The following LRMDA variants were observed in gnomAD, a reference collection of about 807,000 sequenced individuals.
LRMDA encodes leucine-rich melanocyte differentiation-associated protein.
In LRMDA, 18 loss-of-function variants were observed where a neutral mutation model predicts 29.8. That is an observed-to-expected ratio of 0.60 (90% confidence interval 0.42 to 0.90). The LOEUF is 0.90. Ranked by LOEUF, LRMDA falls within the 40% of genes least tolerant of loss-of-function variation. LRMDA has a pLI of 0.00. For missense variants in LRMDA, 273 were observed against 273.9 expected (o/e 1.00, Z 0.02); for synonymous variants, 125 against 109.4 (o/e 1.14, Z -0.89).
chr10:76,433,403 G>A (rs1842211717), intron 6 of LRMDA, among the ~76,000 whole-genome samples: 2 of 152,190 alleles, frequency 1.3e-5, no homozygotes, highest in African/African-American at 4.8e-5. Context: ...ACGAGGCACA[G>A]ACCACTTAGC....
intron 5 of LRMDA, among the ~76,000 whole-genome samples, chr10:76,233,093 A>T (rs1008472966): frequency 3.3e-5 from 5 of 152,166 alleles, no homozygotes; most frequent in Non-Finnish European, 7.4e-5. Context: ...CAGGCTTCAA[A>T]CTGTAATCAG....
chr10:76,233,394 G>GGGTA (rs1391283080), intron 5 of LRMDA, among the ~76,000 whole-genome samples: 1 of 152,294 alleles, frequency 6.6e-6, no homozygotes, highest in East Asian at 1.9e-4. Flanking sequence ...TGCTGGTGAA[G>GGGTA]GGTATTGTTT....
intron 5 of LRMDA, among the ~76,000 whole-genome samples, chr10:76,180,049 T>C (rs966416398): frequency 6.6e-6 from 1 of 152,084 alleles, no homozygotes; most frequent in Non-Finnish European, 1.5e-5. Flanking sequence ...GGAGCCCAGA[T>C]AGGGGATAGC....
At chr10:75,677,763 G>C (rs1841978303) in intron 2 of LRMDA, among the ~76,000 whole-genome samples, 1 of 152,036 alleles carries the variant, frequency 6.6e-6, no homozygotes, top group African/African-American at 2.4e-5. Flanking sequence ...GTCTTATATT[G>C]AGGCCAACTA....
chr10:75,449,369 TG>T (rs1405861731), intron 2 of LRMDA, among the ~76,000 whole-genome samples: 1 of 152,096 alleles, frequency 6.6e-6, no homozygotes, highest in Non-Finnish European at 1.5e-5. Flanking sequence ...GATGGTTAAA[TG>T]GGAGAGCTGG....
chr10:76,508,843 A>T (rs1483168165), intron 6 of LRMDA, among the ~76,000 whole-genome samples: 1 of 152,188 alleles, frequency 6.6e-6, no homozygotes, highest in African/African-American at 2.4e-5. Flanking sequence ...GTTAAATAAT[A>T]CATCTGATGC....
intron 2 of LRMDA, among the ~76,000 whole-genome samples, chr10:75,785,166 A>C (rs202154536): frequency 2.6e-5 from 4 of 152,204 alleles, no homozygotes; most frequent in African/African-American, 7.2e-5. Context: ...GTTTTCCTCA[A>C]CTTGCTTTTA....
chr10:76,273,594 A>G (rs2132324288), intron 5 of LRMDA, among the ~76,000 whole-genome samples: 1 of 152,298 alleles, frequency 6.6e-6, no homozygotes, highest in African/African-American at 2.4e-5. Context: ...AGTATGTGTG[A>G]CAGGGTTCCC....
intron 2 of LRMDA, among the ~76,000 whole-genome samples, chr10:75,630,165 G>A (rs1008837701): frequency 1.3e-5 from 2 of 152,152 alleles, no homozygotes; most frequent in African/African-American, 2.4e-5. Context: ...GCAGACCCAC[G>A]GCCCTCCTGC....
At chr10:75,506,956 T>A (rs575896334) in intron 2 of LRMDA, among the ~76,000 whole-genome samples, 23 of 152,188 alleles carry the variant, frequency 1.5e-4, no homozygotes, top group East Asian at 5.8e-4. Flanking sequence ...CCCATTTAGC[T>A]CTCTTGGGGC....
At chr10:76,464,201 A>G (rs1842541538) in intron 6 of LRMDA, among the ~76,000 whole-genome samples, 1 of 152,040 alleles carries the variant, frequency 6.6e-6, no homozygotes, top group Non-Finnish European at 1.5e-5. Context: ...TTACAGGTGT[A>G]AGCCGCTGCG....
At chr10:76,367,684 G>T (rs1223110869) in intron 6 of LRMDA, among the ~76,000 whole-genome samples, 1 of 152,072 alleles carries the variant, frequency 6.6e-6, no homozygotes, top group Non-Finnish European at 1.5e-5. Flanking sequence ...CCGATCTTAG[G>T]TGATCCACCT....
intron 6 of LRMDA, among the ~76,000 whole-genome samples, chr10:76,378,858 CTTTTTTTTT>C (rs144037195): frequency 5.0e-5 from 6 of 118,966 alleles, no homozygotes; most frequent in African/African-American, 1.6e-4. Context: ...CTTTTTTTTT[CTTTTTTTTT>C]TTTTTTTGAG....
At chr10:75,775,245 T>TTATAAATC (rs1204920079) in intron 2 of LRMDA, among the ~76,000 whole-genome samples, 1 of 152,228 alleles carries the variant, frequency 6.6e-6, no homozygotes, top group Non-Finnish European at 1.5e-5. Context: ...GATTTTCCTC[T>TTATAAATC]TATAAATCTG....
chr10:76,090,443 A>G (rs957529107), intron 5 of LRMDA, among the ~76,000 whole-genome samples: 1 of 152,214 alleles, frequency 6.6e-6, no homozygotes, highest in South Asian at 2.1e-4. Flanking sequence ...TGGGAATGCA[A>G]AATGCTATGG....
At chr10:75,728,137 A>G (rs960106459) in intron 2 of LRMDA, among the ~76,000 whole-genome samples, 3 of 152,200 alleles carry the variant, frequency 2.0e-5, no homozygotes, top group African/African-American at 7.2e-5. Flanking sequence ...CAGAAGACAC[A>G]CAGCCAGCCA....
Position 76,213,951 on chromosome 10 carries a change from T to C in LRMDA, c.517-110450T>C, listed in dbSNP as rs556569281. Among the ~76,000 whole-genome samples, 4 of 151,904 alleles carry C rather than the reference T, an allele frequency of 2.6e-5. No individual in the cohort carries two copies. The South Asian group carries it at 8.3e-4, about 31-fold the overall frequency. ...AAACTATAGCTAGGGGGAATTGCCTTTGGAGGTCATGCAATGTTAGGGACA... is the reference window on the plus strand; with the variant it reads ...AAACTATAGCTAGGGGGAATTGCCTCTGGAGGTCATGCAATGTTAGGGACA... On this transcript the variant is annotated intron_variant, in intron 5 of 6. Transcript: ENST00000611255.
intron 6 of LRMDA, among the ~76,000 whole-genome samples, chr10:76,345,136 G>A (rs1486945967): frequency 7.4e-6 from 1 of 134,414 alleles, no homozygotes; most frequent in African/African-American, 2.9e-5. Context: ...GCGCGATCTC[G>A]GCTCGCTGCA....
chr10:76,383,967 T>C (rs6480812), intron 6 of LRMDA, among the ~76,000 whole-genome samples: 45,255 of 151,890 alleles, frequency 0.3, 10,188 homozygotes, highest in African/African-American at 0.63. Flanking sequence ...CCATTTTTTT[T>C]TCTCTCTCTC....
Sources: gnomAD v4.1 joint callset for allele counts (sites outside exome capture counted in the v4.1 genomes callset) on GRCh38, gnomAD v4.1.1 for gene constraint, MANE v1.5 for transcripts, NCBI Gene and HGNC (gene_info 2026-07-23, HGNC 2026-07-21) for gene names.